The following PPL variants were observed in gnomAD, a reference collection of about 807,000 sequenced individuals.
PPL encodes periplakin.
A neutral mutation model predicts 194.4 loss-of-function variants in PPL; 198 were observed. The observed-to-expected ratio is 1.02, with a 90% confidence interval of 0.91 to 1.15. The LOEUF (loss-of-function observed/expected upper bound fraction) is 1.15. PPL is among the 50% of genes most tolerant of loss of function. The pLI, the probability that PPL is intolerant of heterozygous loss-of-function variation, is 0.00. For synonymous variants in PPL, 1,220 were observed against 972.4 expected, an observed-to-expected ratio of 1.25 and a Z score of -4.74; for missense variants, 2,885 against 2,294.8, an observed-to-expected ratio of 1.26 and a Z score of -5.25.
intron 1 of PPL, among the ~76,000 whole-genome samples, chr16:4,933,268 G>C (rs1315814669): frequency 2.0e-5 from 3 of 152,056 alleles, no homozygotes; most frequent in African/African-American, 7.2e-5. Context: ...CAAAGCCTGG[G>C]GTCCTGCCTC....
At chr16:4,905,489 G>A (rs2088664222) in intron 2 of PPL, among the ~76,000 whole-genome samples, 1 of 152,208 alleles carries the variant, frequency 6.6e-6, no homozygotes, top group South Asian at 2.1e-4. Context: ...TGCACGGGAT[G>A]AAAATATTCT....
intron 9 of PPL, among the ~76,000 whole-genome samples, chr16:4,896,628 A>C: frequency 6.7e-6 from 1 of 148,638 alleles, no homozygotes; most frequent in African/African-American, 2.5e-5. Context: ...CTGCCTAATG[A>C]GTACGGGGTT....
intron 1 of PPL, among the ~76,000 whole-genome samples, chr16:4,927,233 G>A (rs2089171057): frequency 6.6e-6 from 1 of 152,152 alleles, no homozygotes; most frequent in Non-Finnish European, 1.5e-5. Flanking sequence ...GATACAGGAA[G>A]GTTGAGAATA....
Position 4,894,528 on chromosome 16 carries a change from C to T in PPL, c.1333G>A (p.Ala445Thr). 1.2e-6 allele frequency: 2 copies of T among 1,613,980 alleles called. No individual in the cohort carries two copies. The highest frequency in any genetic ancestry group is 2.2e-5 in the South Asian group (2 of 91,078). ...LMDSAGNKLI[A>T]PAVCFVIPPT... ...GGGATCACAAAACACACGGCCGGAG[C>T]AATCAGCTTGTTCCCAGCGCTGTCC... is the stretch of plus-strand genomic sequence containing the variant. The change falls in exon 12 of 22, where the codon GCT becomes ACT. Residue 445 changes from alanine to threonine, a missense_variant. Physicochemically the swap from Ala to Thr is moderately conservative, Grantham distance 58 (BLOSUM62 0). Transcript: ENST00000345988.
chr16:4,900,859 C>A lies in PPL; in HGVS notation c.577G>T (p.Glu193Ter), dbSNP rs149764746. The change falls in exon 6 of 22, where the codon GAA (glutamate) becomes TAA (stop). Residue 193 changes from glutamate to a stop codon, truncating the protein, a stop_gained. Coordinates refer to ENST00000345988, the MANE Select transcript of PPL (RefSeq NM_002705.5). LOFTEE classifies it high-confidence loss of function. ...AGTTTCTGGTACTTGGCCCGGAGTT[C>A]GCTGTTCTGCTCCTGAGGACAGAGC... is the stretch of plus-strand genomic sequence containing the variant. ...AKDGDKEQNS[E>*]LRAKYQKLLA... 1 of 1,614,156 alleles carries A rather than the reference C, an allele frequency of 6.2e-7. No homozygotes were observed.
intron 2 of PPL, among the ~76,000 whole-genome samples, chr16:4,910,638 G>A (rs1382179134): frequency 1.3e-5 from 2 of 152,280 alleles, no homozygotes; most frequent in East Asian, 1.9e-4. Context: ...TACAGTGCAC[G>A]GTAGGGTGTT....
At chr16:4,895,558 C>A in intron 10 of PPL, 36 bp downstream of exon 10, 1 of 1,613,044 alleles carries the variant, frequency 6.2e-7, no homozygotes, top group Non-Finnish European at 8.5e-7. Flanking sequence ...GGTCCCCCGC[C>A]CCCCGGGCCA....
chr16:4,916,750 C>T (rs1391678627), intron 1 of PPL, among the ~76,000 whole-genome samples: 1 of 151,782 alleles, frequency 6.6e-6, no homozygotes, highest in African/African-American at 2.4e-5. Context: ...AGCAATCTAT[C>T]TGCCTCGGCC....
At chr16:4,909,545 G>A (rs1199947091) in intron 2 of PPL, among the ~76,000 whole-genome samples, 1 of 150,622 alleles carries the variant, frequency 6.6e-6, no homozygotes, top group Non-Finnish European at 1.5e-5. Flanking sequence ...TCCTGCCTCA[G>A]CCTCCTGAGT....
chr16:4,900,957 G>A lies in PPL; in HGVS notation c.564+7C>T, dbSNP rs745839515. 12 of 1,614,014 alleles carry A rather than the reference G, an allele frequency of 7.4e-6. No individual in the cohort carries two copies. Among genetic ancestry groups the A allele is most frequent in the South Asian group, 1.1e-5 (1 of 91,080 alleles). On this transcript the variant is annotated splice_region_variant and intron_variant, in intron 5 of 21. Transcript: ENST00000345988. ...CTGGGTCCCCACCACACCAGCACAC[G>A]CCCCACCTTGTCCCCGTCCTTGGCC...
chr16:4,893,726 A>T (rs927287491), intron 12 of PPL, 88 bp from the exon 13 acceptor site: 23 of 1,158,448 alleles, frequency 2.0e-5, no homozygotes, highest in Middle Eastern at 2.4e-4. Flanking sequence ...GGCTGGGCAG[A>T]CACCCCAGAG....
chr16:4,893,912 A>G, intron 12 of PPL: 1 of 521,220 alleles, frequency 1.9e-6, no homozygotes. Flanking sequence ...GGGAGCATAC[A>G]CAGTAGGTGC....
rs143339964 is a variant in PPL, at chr16:4,900,542, C to T, written c.606+288G>A. Among the ~76,000 whole-genome samples, 268 of 149,480 alleles carry T rather than the reference C, an allele frequency of 1.8e-3. 5 individuals are homozygous for T. In the East Asian group the frequency reaches 0.046, roughly 26 times the overall value. The stretch of plus-strand genomic sequence containing the variant: ...GCAGCCTCCACCTCCTGGGCTCAAG[C>T]GATCCTCCCACTTCAGCCTCCCAAG... On this transcript the variant is annotated intron_variant, in intron 6 of 21. Transcript: ENST00000345988.
chr16:4,898,140 G>C (rs1040463643), intron 8 of PPL, among the ~76,000 whole-genome samples: 3 of 152,216 alleles, frequency 2.0e-5, no homozygotes, highest in Non-Finnish European at 4.4e-5. Context: ...CACTTTGGGA[G>C]GCCGAGGCGG....
chr16:4,891,001 G>A (rs1445281561), intron 16 of PPL, 80 bp from the exon 17 acceptor site: 15 of 1,285,172 alleles, frequency 1.2e-5, no homozygotes, highest in African/African-American at 1.5e-5. Flanking sequence ...GAAGCCCCTG[G>A]GCCACTGACT....
intron 1 of PPL, among the ~76,000 whole-genome samples, chr16:4,931,694 C>G (rs1052851467): frequency 3.3e-5 from 5 of 152,206 alleles, no homozygotes; most frequent in Non-Finnish European, 7.3e-5. Context: ...GCTTTGGAAG[C>G]TCTCTAAAGC....
In PPL at chr16:4,897,676, T is replaced by C; in HGVS notation, c.971A>G (p.Gln324Arg). Reference sequence around the variant, plus strand: ...GGGACTCCCAGGAAAGGTAAGTACCTGGTGGTAGTCCTCCATGTACTTGAG... The same window carrying C: ...GGGACTCCCAGGAAAGGTAAGTACCCGGTGGTAGTCCTCCATGTACTTGAG... ...SHLKYMEDYH[Q>R]FHEDVKDAQE... Residue 324 changes from glutamine to arginine, a missense_variant and splice_region_variant, in exon 9 of 22, where the codon CAG (glutamine) becomes CGG (arginine). Gln to Arg is a conservative substitution (Grantham distance 43, BLOSUM62 1). Transcript: ENST00000345988. The C allele has an allele frequency of 6.2e-7, 1 of 1,613,106 alleles. No homozygotes were observed. The highest frequency in any genetic ancestry group is 8.5e-7 in the Non-Finnish European group (1 of 1,179,550).
At position 4,889,245 on chromosome 16, in the gene PPL, T is replaced by G. The variant is rs147370056; in HGVS notation, c.2314-184A>C. Among the ~76,000 whole-genome samples the G allele has an allele frequency of 3.1e-3, 65 of 20,808 alleles. 1 individual carries two copies. Among genetic ancestry groups the G allele is most frequent in the African/African-American group, 5.9e-3 (55 of 9,324 alleles). The allele number at this position is 20,808 out of a possible 152,430, so 13.7% of individuals were successfully genotyped here. A position where few individuals can be genotyped will look rare whatever the true frequency, so the allele number is the denominator to read the frequency against. On this transcript the variant is annotated intron_variant, in intron 18 of 21. Transcript: ENST00000345988. ...GGCAGTTTTTTTGTTGTTGTTGTTT[T>G]TTTTTTTTTTTTTTTTTTTTTTTTT...
In PPL at chr16:4,892,054, G is replaced by A. The variant is rs1390304282; in HGVS notation, c.1810C>T (p.Leu604=). 1.2e-6 allele frequency: 2 copies of A among 1,613,526 alleles called. No individual in the cohort carries two copies. The highest frequency in any genetic ancestry group is 1.3e-5 in the African/African-American group (1 of 74,938). ...ACCCACTTCTCCTGGGCCAAGTCCA[G>A]CAGCTGCAGGAGGTGCTCGTATTTC... is the stretch of plus-strand genomic sequence containing the variant. ...NRKYEHLLQL[L]DLAQEKVDVA... Residue 604 remains leucine, a synonymous_variant, in exon 15 of 22, where the codon CTG becomes TTG. Transcript: ENST00000345988.
Sources: gnomAD v4.1 joint callset for allele counts (sites outside exome capture counted in the v4.1 genomes callset) on GRCh38, gnomAD v4.1.1 for gene constraint, MANE v1.5 for transcripts, NCBI Gene and HGNC (gene_info 2026-07-23, HGNC 2026-07-21) for gene names.